Variants in MALRD1 observed in about 807,000 individuals in gnomAD.
The protein encoded by MALRD1 is MAM and LDL receptor class A domain containing 1, also known as MAM and LDL-receptor class A domain-containing protein 1.
Under a neutral mutation model 242.1 loss-of-function variants are expected in MALRD1, and 247 were observed. That is an observed-to-expected ratio of 1.02 (90% CI 0.92 to 1.13). MALRD1 has a LOEUF of 1.13. Among genes scored for constraint, MALRD1 ranks in the 50% most tolerant of loss-of-function variants. The pLI, the probability that MALRD1 is intolerant of heterozygous loss-of-function variation, is 0.00. For synonymous variants in MALRD1, 995 were observed against 866.6 expected (o/e 1.15, Z -2.60); for missense variants, 2,989 against 2,533.1 (o/e 1.18, Z -3.86).
chr10:19,178,916 G>A (rs1199066836), intron 14 of MALRD1, among the ~76,000 whole-genome samples: 3 of 152,184 alleles, frequency 2.0e-5, no homozygotes, highest in Non-Finnish European at 4.4e-5. Flanking sequence ...ACTCAAGTGA[G>A]CATTGTATGA....
intron 36 of MALRD1, among the ~76,000 whole-genome samples, chr10:19,676,681 A>G (rs561755311): frequency 6.6e-6 from 1 of 152,180 alleles, no homozygotes; most frequent in East Asian, 1.9e-4. Flanking sequence ...GTATTATTTT[A>G]TTTTAGTTCC....
intron 21 of MALRD1, among the ~76,000 whole-genome samples, chr10:19,291,774 G>T (rs77278291): frequency 6.6e-6 from 1 of 150,892 alleles, no homozygotes; most frequent in African/African-American, 2.4e-5. Flanking sequence ...TTGCTCTAAG[G>T]TCCTTCCATT....
chr10:19,647,400 C>T (rs1840705008), intron 36 of MALRD1, among the ~76,000 whole-genome samples: 1 of 152,118 alleles, frequency 6.6e-6, no homozygotes, highest in African/African-American at 2.4e-5. Flanking sequence ...GCCCAGTCTC[C>T]TTGGGAGTAC....
intron 32 of MALRD1, among the ~76,000 whole-genome samples, chr10:19,556,028 TA>T (rs1248560201): frequency 6.6e-6 from 1 of 152,172 alleles, no homozygotes; most frequent in Non-Finnish European, 1.5e-5. Flanking sequence ...GGCAACTCAG[TA>T]AACCAAAGGA....
At chr10:19,689,108 T>C (rs1021574417) in intron 36 of MALRD1, among the ~76,000 whole-genome samples, 3 of 152,214 alleles carry the variant, frequency 2.0e-5, no homozygotes, top group Non-Finnish European at 4.4e-5. Flanking sequence ...GTGACAGTTA[T>C]TTGTACAGAC....
intron 38 of MALRD1, among the ~76,000 whole-genome samples, chr10:19,693,446 G>A (rs1379053468): frequency 2.6e-5 from 4 of 152,038 alleles, no homozygotes; most frequent in Non-Finnish European, 5.9e-5. Flanking sequence ...AAAACAGAGA[G>A]CCAAATCATG....
chr10:19,228,725 C>G (rs1015254935), intron 18 of MALRD1, among the ~76,000 whole-genome samples: 50 of 152,056 alleles, frequency 3.3e-4, no homozygotes, highest in Non-Finnish European at 1.3e-4. Flanking sequence ...TACAGCTATG[C>G]TCTATATTGG....
At chr10:19,283,321 C>A (rs1840915121) in intron 21 of MALRD1, 140 bp downstream of exon 21, 2 of 699,628 alleles carry the variant, frequency 2.9e-6, no homozygotes, top group South Asian at 6.4e-5. Context: ...TGTTTTCTTT[C>A]ATACAAAATG....
rs1833357545 is a variant in MALRD1 at position 19,136,793 on chromosome 10, A to T, written c.1411+12A>T. ...CCCAGCAACTTGCTGTAAGTGAGTG[A>T]ATGGCTTACTAGTTTACATGCTCTA... is the stretch of plus-strand genomic sequence containing the variant. On this transcript the variant is annotated intron_variant, in intron 10 of 39. Coordinates refer to ENST00000454679, the MANE Select transcript of MALRD1 (RefSeq NM_001142308.3). The T allele has an allele frequency of 1.6e-6, 2 of 1,228,620 alleles. No homozygotes were observed. The highest frequency in any genetic ancestry group is 8.2e-5 in the South Asian group (2 of 24,244). The allele number at this position is 1,228,620 out of a possible 1,614,324, so 76.1% of individuals were successfully genotyped here.
At chr10:19,159,537 G>A (rs1588629297) in intron 12 of MALRD1, among the ~76,000 whole-genome samples, 2 of 151,924 alleles carry the variant, frequency 1.3e-5, no homozygotes, top group Non-Finnish European at 2.9e-5. Context: ...TGACCAAGGA[G>A]CTCTGAGATT....
chr10:19,532,133 AC>A (rs1310975034), intron 32 of MALRD1, among the ~76,000 whole-genome samples: 2 of 152,172 alleles, frequency 1.3e-5, no homozygotes, highest in Admixed American at 6.5e-5. Flanking sequence ...TCTCACCTTC[AC>A]CTGATGAGGT....
At chr10:19,577,424 G>A (rs1390332214) in intron 33 of MALRD1, among the ~76,000 whole-genome samples, 1 of 152,134 alleles carries the variant, frequency 6.6e-6, no homozygotes, top group Non-Finnish European at 1.5e-5. Flanking sequence ...CAGGCTTAAG[G>A]GAGTAAAACC....
intron 18 of MALRD1, among the ~76,000 whole-genome samples, chr10:19,249,598 C>T (rs780068070): frequency 3.3e-5 from 5 of 151,864 alleles, no homozygotes; most frequent in Non-Finnish European, 5.9e-5. Context: ...CAGTGTCCCT[C>T]CTGGAGGTTG....
At chr10:19,143,844 GAA>G (rs1833634150) in intron 10 of MALRD1, among the ~76,000 whole-genome samples, 1 of 152,196 alleles carries the variant, frequency 6.6e-6, no homozygotes, top group Non-Finnish European at 1.5e-5. Flanking sequence ...AGCTCACAGA[GAA>G]CCGAGGGATT....
chr10:19,052,761 G>C (rs1007718732), intron 1 of MALRD1, among the ~76,000 whole-genome samples: 4 of 151,990 alleles, frequency 2.6e-5, no homozygotes, highest in African/African-American at 9.7e-5. Context: ...TCCTGTTCCC[G>C]TGCTCCTCTA....
intron 26 of MALRD1, among the ~76,000 whole-genome samples, chr10:19,355,850 T>TAACCCTAGC (rs1248660265): frequency 1.9e-5 from 1 of 52,608 alleles, no homozygotes; most frequent in African/African-American, 1.4e-4. Flanking sequence ...ATATTATATA[T>TAACCCTAGC]ATATATATTA....
rs929274553 is a variant in MALRD1 at position 19,163,745 on chromosome 10, A to G, written c.1657-1892A>G. Among the ~76,000 whole-genome samples, 12 of 152,240 alleles carry G rather than the reference A, an allele frequency of 7.9e-5. No homozygotes were observed. The South Asian group carries it at 1.0e-3, about 13-fold the overall frequency. ...GATTTCACCCTCAAAAATTCAAAAG[A>G]TAATGGAACATTCCTTGGTATTTAA... On this transcript the variant is annotated intron_variant, in intron 12 of 39. Transcript: ENST00000454679.
intron 36 of MALRD1, among the ~76,000 whole-genome samples, chr10:19,635,929 G>A (rs893608507): frequency 7.3e-5 from 11 of 151,040 alleles, no homozygotes; most frequent in African/African-American, 1.7e-4. Flanking sequence ...GAAACGCAGC[G>A]TCACTCTGTC....
intron 26 of MALRD1, among the ~76,000 whole-genome samples, chr10:19,365,737 T>C (rs1234483098): frequency 6.6e-6 from 1 of 151,668 alleles, no homozygotes; most frequent in African/African-American, 2.4e-5. Context: ...CGAATCTCTG[T>C]TGAGACTTAC....
Sources: gnomAD v4.1 joint callset for allele counts (sites outside exome capture counted in the v4.1 genomes callset) on GRCh38, gnomAD v4.1.1 for gene constraint, MANE v1.5 for transcripts, NCBI Gene and HGNC (gene_info 2026-07-23, HGNC 2026-07-21) for gene names.